Variants in AUTS2 observed in about 807,000 individuals in gnomAD.
AUTS2 encodes activator of transcription and developmental regulator AUTS2.
AUTS2 carries 17 observed loss-of-function variants against 112.4 expected under a neutral mutation model. The observed-to-expected ratio is 0.15, with a 90% CI of 0.10 to 0.23. The LOEUF (loss-of-function observed/expected upper bound fraction) is 0.23. AUTS2 is among the 10% of genes least tolerant of loss of function. The pLI is 1.00. For synonymous variants in AUTS2, 751 were observed against 702.7 expected (o/e 1.07, Z -1.09); for missense variants, 1,510 against 1,701.6 (o/e 0.89, Z 1.98).
Position 70,763,297 on chromosome 7 carries a change from A to G in AUTS2, c.1170A>G (p.Pro390=). 1 of 1,603,194 alleles carries G rather than the reference A, an allele frequency of 6.2e-7. No individual in the cohort carries two copies. The highest frequency in any genetic ancestry group is 8.5e-7 in the Non-Finnish European group (1 of 1,173,684). Residue 390 remains proline, a synonymous_variant, in exon 7 of 19, where the codon CCA becomes CCG. Coordinates refer to ENST00000342771, the MANE Select transcript of AUTS2 (RefSeq NM_015570.4). ...AHPSAQSLSQ[P]LSAYNSSSLS... ...CCTCTGCTCAGAGCCTCTCCCAGCC[A>G]TTGTCAGCCTACAACAGCAGTAGCT...
chr7:69,999,332 A>G (rs1387327013), intron 2 of AUTS2, among the ~76,000 whole-genome samples: 1 of 152,142 alleles, frequency 6.6e-6, no homozygotes, highest in Non-Finnish European at 1.5e-5. Context: ...TACTTGTGGG[A>G]CTTTAGGAAA....
chr7:69,995,894 C>G (rs1223959370), intron 2 of AUTS2, among the ~76,000 whole-genome samples: 1 of 152,152 alleles, frequency 6.6e-6, no homozygotes, highest in South Asian at 2.1e-4. Flanking sequence ...TACTTACTGT[C>G]TGAGCATTCA....
intron 2 of AUTS2, among the ~76,000 whole-genome samples, chr7:70,079,376 CCTGTAATCCCAACTGCTTG>C (rs1193840392): frequency 6.6e-6 from 1 of 151,964 alleles, no homozygotes; most frequent in African/African-American, 2.4e-5. Flanking sequence ...GTGGCAGGCT[CCTGTAATCCCAACTGCTTG>C]GGAGGCTGAG....
intron 2 of AUTS2, among the ~76,000 whole-genome samples, chr7:70,000,470 C>G (rs1014151694): frequency 6.6e-6 from 1 of 152,162 alleles, no homozygotes; most frequent in Admixed American, 6.6e-5. Flanking sequence ...ACTGAAAGAA[C>G]AGCAGTGGGA....
At chr7:69,896,290 TTGA>T (rs761826369) in intron 1 of AUTS2, among the ~76,000 whole-genome samples, 6 of 152,364 alleles carry the variant, frequency 3.9e-5, no homozygotes, top group African/African-American at 1.2e-4. Flanking sequence ...TGCGCTTGCT[TTGA>T]TCTCGACTTG....
chr7:69,972,912 T>G (rs1169277319), intron 2 of AUTS2, among the ~76,000 whole-genome samples: 5 of 152,204 alleles, frequency 3.3e-5, no homozygotes, highest in African/African-American at 1.2e-4. Context: ...TTTTCAAAAT[T>G]GCTTAAGATA....
intron 4 of AUTS2, among the ~76,000 whole-genome samples, chr7:70,391,697 A>G (rs1480916015): frequency 1.4e-5 from 2 of 147,942 alleles, no homozygotes; most frequent in African/African-American, 2.7e-5. Flanking sequence ...ATAAAAAAAT[A>G]AAAAGCAGCA....
At chr7:70,788,514 C>T (rs1259769032) in intron 18 of AUTS2, among the ~76,000 whole-genome samples, 1 of 152,182 alleles carries the variant, frequency 6.6e-6, no homozygotes, top group Non-Finnish European at 1.5e-5. Flanking sequence ...AAATGAGGCA[C>T]GCCTAGCAAC....
intron 8 of AUTS2, 119 bp downstream of exon 8, chr7:70,765,124 A>G (rs1789853838): frequency 7.4e-7 from 1 of 1,349,380 alleles, no homozygotes; most frequent in Non-Finnish European, 1.0e-6. Context: ...TTCCTTCCTT[A>G]CTGTGATCTT....
chr7:70,275,737 C>A (rs895705719), intron 4 of AUTS2, among the ~76,000 whole-genome samples: 1 of 152,096 alleles, frequency 6.6e-6, no homozygotes, highest in African/African-American at 2.4e-5. Flanking sequence ...CTCACAAGGT[C>A]TAATCATTTT....
chr7:70,119,160 T>G (rs891564159), intron 3 of AUTS2: 5 of 151,824 alleles, frequency 3.3e-5, no homozygotes, highest in Non-Finnish European at 7.3e-5. Flanking sequence ...CAGCTAATTT[T>G]TGTGTTTTTA....
intron 4 of AUTS2, among the ~76,000 whole-genome samples, chr7:70,417,820 G>A (rs1186005125): frequency 6.6e-6 from 1 of 152,004 alleles, no homozygotes; most frequent in African/African-American, 2.4e-5. Flanking sequence ...TATCCTGAAG[G>A]GCATGTCAGA....
chr7:70,464,251 A>G (rs1382037543), intron 5 of AUTS2, among the ~76,000 whole-genome samples: 1 of 152,202 alleles, frequency 6.6e-6, no homozygotes, highest in East Asian at 1.9e-4. Context: ...GAGTACCTCA[A>G]ATAGGTTTTA....
At chr7:70,691,079 G>T (rs765638878) in intron 5 of AUTS2, among the ~76,000 whole-genome samples, 4 of 152,046 alleles carry the variant, frequency 2.6e-5, no homozygotes, top group East Asian at 1.9e-4. Context: ...GAGGAAGAAG[G>T]CTCCATATTT....
At chr7:70,498,955 G>T (rs1199902504) in intron 5 of AUTS2, among the ~76,000 whole-genome samples, 1 of 152,168 alleles carries the variant, frequency 6.6e-6, no homozygotes, top group East Asian at 1.9e-4. Flanking sequence ...CAAGGCATGG[G>T]GCTGGACCGA....
At chr7:70,584,387 C>T (rs1802589569) in intron 5 of AUTS2, among the ~76,000 whole-genome samples, 1 of 152,182 alleles carries the variant, frequency 6.6e-6, no homozygotes, top group East Asian at 1.9e-4. Flanking sequence ...CTGAGGTCTC[C>T]GGATCGCTCT....
At chr7:69,879,205 G>A (rs758395845) in intron 1 of AUTS2, among the ~76,000 whole-genome samples, 22 of 151,660 alleles carry the variant, frequency 1.5e-4, no homozygotes, top group African/African-American at 4.1e-4. Context: ...GCGGTGGCAC[G>A]ATCTCAGCTC....
chr7:70,643,154 C>G (rs1023127459), intron 5 of AUTS2, among the ~76,000 whole-genome samples: 14 of 152,254 alleles, frequency 9.2e-5, no homozygotes, highest in Non-Finnish European at 1.0e-4. Context: ...ATGGCTCTCG[C>G]CACTTTTGCA....
At chr7:70,253,511 A>C (rs535794932) in intron 4 of AUTS2, among the ~76,000 whole-genome samples, 4 of 152,184 alleles carry the variant, frequency 2.6e-5, no homozygotes, top group African/African-American at 9.6e-5. Flanking sequence ...TGAATTGCTT[A>C]TTTCCCTGAG....
Sources: allele counts gnomAD v4.1 joint callset (sites outside exome capture counted in the v4.1 genomes callset), GRCh38; gene constraint gnomAD v4.1.1; transcripts MANE v1.5; gene names NCBI Gene and HGNC (gene_info 2026-07-23, HGNC 2026-07-21).